EYA1: variants seen among roughly 807,000 people sequenced by gnomAD.
EYA1 encodes the protein EYA transcriptional coactivator and phosphatase 1, also known as protein phosphatase EYA1.
A neutral mutation model predicts 82.0 loss-of-function variants in EYA1; 16 were observed. The observed-to-expected ratio is 0.20, with a 90% CI of 0.13 to 0.30. The LOEUF is 0.30. Ranked by LOEUF, EYA1 falls within the 10% of genes least tolerant of loss-of-function variation. The pLI is 1.00. For missense variants in EYA1, 633 were observed against 730.7 expected (o/e 0.87, Z 1.54); for synonymous variants, 261 against 264.4 (o/e 0.99, Z 0.12).
At chr8:71,215,352 A>G in intron 16 of EYA1, 35 bp downstream of exon 16, 1 of 1,603,020 alleles carries the variant, frequency 6.2e-7, no homozygotes, top group Non-Finnish European at 8.5e-7. Flanking sequence ...GAAGGAAAAG[A>G]GCTGATTGTT....
chr8:71,415,606 A>G (rs1830811066), intron 2 of EYA1, among the ~76,000 whole-genome samples: 1 of 152,224 alleles, frequency 6.6e-6, no homozygotes, highest in Admixed American at 6.5e-5. Flanking sequence ...TCATCCCAAC[A>G]TATTTACATG....
chr8:71,346,575 A>T (rs188875570), intron 3 of EYA1, among the ~76,000 whole-genome samples: 5 of 151,762 alleles, frequency 3.3e-5, no homozygotes, highest in Admixed American at 6.6e-5. Context: ...TTATCCTTAT[A>T]TCATTCAGTT....
chr8:71,501,852 A>G (rs1467724587), intron 2 of EYA1, among the ~76,000 whole-genome samples: 2 of 152,252 alleles, frequency 1.3e-5, no homozygotes, highest in African/African-American at 4.8e-5. Flanking sequence ...TATAATTCTC[A>G]GACACAAATT....
At chr8:71,411,954 C>G (rs548307445) in intron 2 of EYA1, among the ~76,000 whole-genome samples, 1 of 151,390 alleles carries the variant, frequency 6.6e-6, no homozygotes, top group African/African-American at 2.4e-5. Context: ...GCATTATTCA[C>G]AATAGCAAAG....
intron 2 of EYA1, among the ~76,000 whole-genome samples, chr8:71,429,828 T>C (rs1374269048): frequency 6.6e-6 from 1 of 152,144 alleles, no homozygotes; most frequent in East Asian, 1.9e-4. Context: ...ATATAAAAGA[T>C]GAACTATAAA....
At chr8:71,257,957 T>G (rs2128926931) in intron 11 of EYA1, among the ~76,000 whole-genome samples, 1 of 152,306 alleles carries the variant, frequency 6.6e-6, no homozygotes. Flanking sequence ...TGGCTATTTC[T>G]TGCTAGTTAA....
intron 2 of EYA1, among the ~76,000 whole-genome samples, chr8:71,473,949 A>G (rs916087365): frequency 1.3e-5 from 2 of 152,130 alleles, no homozygotes; most frequent in Admixed American, 1.3e-4. Context: ...TAAAACAGGA[A>G]CAGAAAACAA....
intron 2 of EYA1, among the ~76,000 whole-genome samples, chr8:71,419,831 T>G (rs1831049252): frequency 6.6e-6 from 1 of 152,078 alleles, no homozygotes. Flanking sequence ...AGAAAAATCC[T>G]CAAAGATGAA....
At chr8:71,287,445 G>A (rs1818513058) in intron 9 of EYA1, among the ~76,000 whole-genome samples, 3 of 152,126 alleles carry the variant, frequency 2.0e-5, no homozygotes, top group Non-Finnish European at 2.9e-5. Flanking sequence ...ACTAATCGAG[G>A]TCTCTAGGTA....
intron 9 of EYA1, among the ~76,000 whole-genome samples, chr8:71,294,812 A>C (rs1420320702): frequency 1.3e-5 from 2 of 152,184 alleles, no homozygotes; most frequent in African/African-American, 4.8e-5. Context: ...AAAAGTTGGA[A>C]GACAGACACT....
chr8:71,301,142 C>A (rs1764275686), intron 7 of EYA1, among the ~76,000 whole-genome samples: 1 of 152,048 alleles, frequency 6.6e-6, no homozygotes, highest in African/African-American at 2.4e-5. Context: ...TCAGATGGCT[C>A]CAGGTATAAA....
chr8:71,204,252 TCTC>T (rs1432430623), intron 17 of EYA1: 4 of 152,172 alleles, frequency 2.6e-5, no homozygotes, highest in African/African-American at 7.2e-5. Flanking sequence ...ACTTCAAAAA[TCTC>T]CTTCCTCCAT....
intron 2 of EYA1, among the ~76,000 whole-genome samples, chr8:71,448,154 T>C (rs946656620): frequency 2.0e-5 from 3 of 151,966 alleles, no homozygotes; most frequent in Admixed American, 6.6e-5. Context: ...CATGCTACCA[T>C]GCCTGGCTAA....
chr8:71,315,792 C>T (rs982318750), intron 7 of EYA1, among the ~76,000 whole-genome samples: 3 of 152,116 alleles, frequency 2.0e-5, no homozygotes, highest in African/African-American at 7.2e-5. Context: ...TGGAATGAGG[C>T]ACATAAATAA....
chr8:71,400,681 G>T (rs1829908428), intron 2 of EYA1, among the ~76,000 whole-genome samples: 1 of 152,202 alleles, frequency 6.6e-6, no homozygotes, highest in Non-Finnish European at 1.5e-5. Context: ...CTTTTACACT[G>T]TTGGTGGGAA....
At chr8:71,241,468 G>T (rs1563678114) in intron 12 of EYA1, among the ~76,000 whole-genome samples, 1 of 152,082 alleles carries the variant, frequency 6.6e-6, no homozygotes, top group African/African-American at 2.4e-5. Context: ...CTCACAGAGG[G>T]GGTGTATTTC....
intron 12 of EYA1, among the ~76,000 whole-genome samples, chr8:71,220,883 T>C (rs1809817806): frequency 6.6e-6 from 1 of 152,178 alleles, no homozygotes; most frequent in Admixed American, 6.5e-5. Context: ...AAGAGTTCCC[T>C]GTGCCTGCAG....
intron 2 of EYA1, among the ~76,000 whole-genome samples, chr8:71,506,679 C>T (rs574557073): frequency 5.9e-4 from 89 of 151,978 alleles, no homozygotes; most frequent in African/African-American, 2.1e-3. Flanking sequence ...CAAATGCCAG[C>T]GTAACTTCCA....
At chr8:71,291,624 CCATT>C (rs1819008056) in intron 9 of EYA1, among the ~76,000 whole-genome samples, 1 of 152,176 alleles carries the variant, frequency 6.6e-6, no homozygotes. Context: ...GTTTCGTTCA[CCATT>C]CACTTTTATC....
Sources: gnomAD v4.1 joint callset for allele counts (sites outside exome capture counted in the v4.1 genomes callset) on GRCh38, gnomAD v4.1.1 for gene constraint, MANE v1.5 for transcripts, NCBI Gene and HGNC (gene_info 2026-07-23, HGNC 2026-07-21) for gene names.